ZDHHC17: variants seen among roughly 807,000 people sequenced by gnomAD.
ZDHHC17 encodes the protein palmitoyltransferase ZDHHC17.
A neutral mutation model predicts 90.3 loss-of-function variants in ZDHHC17; 40 were observed. That is an observed-to-expected ratio of 0.44 (90% CI 0.34 to 0.58). The LOEUF is 0.58. Among genes scored for constraint, ZDHHC17 ranks in the 20% least tolerant of loss-of-function variants. The probability of loss-of-function intolerance (pLI) is 0.01; values close to 1 mark genes in which losing one functional copy is unlikely to be tolerated. For synonymous variants in ZDHHC17, 235 were observed against 252.4 expected, an observed-to-expected ratio of 0.93 and a Z score of 0.65; for missense variants, 614 against 780.8, an observed-to-expected ratio of 0.79 and a Z score of 2.55.
chr12:76,833,567 C>T (rs554506623), intron 10 of ZDHHC17, among the ~76,000 whole-genome samples: 14 of 151,910 alleles, frequency 9.2e-5, no homozygotes, highest in African/African-American at 1.4e-4. Context: ...CCGAGGCAGG[C>T]GGATCACGAG....
At chr12:76,799,421 A>G (rs548428276) in intron 2 of ZDHHC17, among the ~76,000 whole-genome samples, 2 of 152,304 alleles carry the variant, frequency 1.3e-5, no homozygotes, top group African/African-American at 4.8e-5. Context: ...AAACCTTAAC[A>G]CTACTCAGTG....
chr12:76,841,288 T>C (rs181743521), intron 10 of ZDHHC17, among the ~76,000 whole-genome samples: 1,686 of 152,316 alleles, frequency 0.011, 11 homozygotes, highest in Non-Finnish European at 0.017. Flanking sequence ...AAAAGTCTTA[T>C]GAAATTCTTG....
chr12:76,809,006 GA>G, intron 3 of ZDHHC17, 36 bp from the exon 4 acceptor site: 1 of 1,314,054 alleles, frequency 7.6e-7, no homozygotes, highest in Non-Finnish European at 1.0e-6. Flanking sequence ...AATTGAAAAT[GA>G]AAGTTATTTA....
chr12:76,828,597 A>C (rs1953259714), intron 10 of ZDHHC17, 107 bp downstream of exon 10: 1 of 883,640 alleles, frequency 1.1e-6, no homozygotes, highest in Non-Finnish European at 1.7e-6. Flanking sequence ...ATAATACATT[A>C]AAATAGTGTT....
chr12:76,817,785 A>T (rs1481008411), intron 7 of ZDHHC17, among the ~76,000 whole-genome samples: 2 of 152,022 alleles, frequency 1.3e-5, no homozygotes, highest in East Asian at 3.8e-4. Flanking sequence ...CAGAAAGTTA[A>T]TGATAAGAGT....
At chr12:76,845,888 G>C (rs1953489886) in intron 13 of ZDHHC17, 86 bp downstream of exon 13, 2 of 695,824 alleles carry the variant, frequency 2.9e-6, no homozygotes, top group East Asian at 5.9e-5. Flanking sequence ...GTAGGCAATA[G>C]AAAGTTTATT....
At chr12:76,781,246 C>CT (rs1324908852) in intron 1 of ZDHHC17, among the ~76,000 whole-genome samples, 2 of 151,700 alleles carry the variant, frequency 1.3e-5, no homozygotes, top group African/African-American at 4.8e-5. Context: ...GTTGAAGATA[C>CT]TTATAAGTTC....
intron 10 of ZDHHC17, among the ~76,000 whole-genome samples, chr12:76,829,727 C>T (rs914303571): frequency 6.6e-6 from 1 of 152,102 alleles, no homozygotes; most frequent in African/African-American, 2.4e-5. Flanking sequence ...CCTCTTTTGC[C>T]TTCATGAAAA....
intron 7 of ZDHHC17, among the ~76,000 whole-genome samples, chr12:76,816,772 T>A (rs1228072331): frequency 6.6e-6 from 1 of 152,050 alleles, no homozygotes; most frequent in East Asian, 1.9e-4. Flanking sequence ...GATAAACTTC[T>A]AAAATAAAAT....
intron 1 of ZDHHC17, among the ~76,000 whole-genome samples, chr12:76,783,072 A>T (rs573587548): frequency 4.6e-4 from 70 of 152,296 alleles, no homozygotes; most frequent in Non-Finnish European, 8.7e-4. Context: ...GGCTCAGAGG[A>T]GGCTGACTAA....
intron 7 of ZDHHC17, among the ~76,000 whole-genome samples, chr12:76,816,564 A>G (rs1191579648): frequency 1.3e-5 from 2 of 151,984 alleles, no homozygotes; most frequent in East Asian, 3.8e-4. Flanking sequence ...TTTTGGCTAT[A>G]ATTTATAGTA....
intron 12 of ZDHHC17, among the ~76,000 whole-genome samples, chr12:76,843,282 G>T (rs1043995758): frequency 7.9e-5 from 12 of 152,034 alleles, no homozygotes; most frequent in African/African-American, 2.7e-4. Context: ...TCAGATCAAA[G>T]ATTTATAATG....
rs1408733258 is a variant in ZDHHC17 at position 76,842,110 on chromosome 12, G to A, written c.1266+4G>A. 3 of 1,569,784 alleles carry A rather than the reference G, an allele frequency of 1.9e-6. No individual in the cohort carries two copies. In the Admixed American group the frequency reaches 5.8e-5, roughly 30 times the overall value. ...AACAGAAGAGCAAAAGAAAAAGGTAGCAAAATACCAACTAAGTCACTTGTA... is the reference window on the plus strand; with the variant it reads ...AACAGAAGAGCAAAAGAAAAAGGTAACAAAATACCAACTAAGTCACTTGTA... On this transcript the variant is annotated splice_donor_region_variant and intron_variant, in intron 11 of 16. Transcript: ENST00000426126.
chr12:76,774,319 CACAT>C (rs1032367302), intron 1 of ZDHHC17, among the ~76,000 whole-genome samples: 54 of 135,380 alleles, frequency 4.0e-4, no homozygotes, highest in Admixed American at 1.3e-3. Context: ...TACACACACA[CACAT>C]ATATATACAT....
chr12:76,841,923 T>C, intron 10 of ZDHHC17, 59 bp from the exon 11 acceptor site: 1 of 1,280,372 alleles, frequency 7.8e-7, no homozygotes, highest in South Asian at 2.4e-5. Context: ...AGATTATAAG[T>C]TTATATATAA....
At chr12:76,837,878 G>T (rs1953387856) in intron 10 of ZDHHC17, among the ~76,000 whole-genome samples, 1 of 151,988 alleles carries the variant, frequency 6.6e-6, no homozygotes, top group African/African-American at 2.4e-5. Flanking sequence ...GTCTTGAACT[G>T]CTGGGCTTAA....
chr12:76,765,225 G>T (rs78908383), intron 1 of ZDHHC17, among the ~76,000 whole-genome samples: 1 of 152,204 alleles, frequency 6.6e-6, no homozygotes, highest in Admixed American at 6.5e-5. Context: ...TCGTGTTGTA[G>T]GATGAACAAA....
At chr12:76,826,845 A>G (rs977215558) in intron 8 of ZDHHC17, 63 bp from the exon 9 acceptor site, 37 of 1,452,206 alleles carry the variant, frequency 2.5e-5, no homozygotes, top group African/African-American at 1.0e-4. Flanking sequence ...AAAGGTAACA[A>G]TGATTCAGAT....
chr12:76,807,795 T>G (rs1364546591), intron 3 of ZDHHC17, among the ~76,000 whole-genome samples: 1 of 152,178 alleles, frequency 6.6e-6, no homozygotes, highest in African/African-American at 2.4e-5. Flanking sequence ...TGAAATTGCT[T>G]TAGAAAAATT....
Sources: gnomAD v4.1 joint callset for allele counts (sites outside exome capture counted in the v4.1 genomes callset) on GRCh38, gnomAD v4.1.1 for gene constraint, MANE v1.5 for transcripts, NCBI Gene and HGNC (gene_info 2026-07-23, HGNC 2026-07-21) for gene names.